Variants in MYH13 observed in about 807,000 individuals in gnomAD.
MYH13 encodes the protein myosin heavy chain 13, also known as myosin-13.
MYH13 carries 177 observed loss-of-function variants against 232.1 expected under a neutral mutation model. The observed-to-expected ratio is 0.76, with a 90% CI of 0.67 to 0.86. MYH13 has a LOEUF of 0.86. MYH13 is among the 40% of genes least tolerant of loss of function. The probability of loss-of-function intolerance (pLI) is 0.00; values close to 1 mark genes in which losing one functional copy is unlikely to be tolerated. For missense variants in MYH13, 2,246 were observed against 2,405.9 expected (o/e 0.93, Z 1.39); for synonymous variants, 884 against 923.5 (o/e 0.96, Z 0.78).
Position 10,304,157 on chromosome 17 carries a change from A to G in MYH13, c.5467-659T>C, listed in dbSNP as rs1187575571. 2.0e-5 allele frequency among the ~76,000 whole-genome samples: 3 copies of G among 152,194 alleles called. No homozygotes were observed. Among genetic ancestry groups the G allele is most frequent in the Admixed American group, 1.3e-4 (2 of 15,278 alleles). On this transcript the variant is annotated intron_variant, in intron 37 of 40. Transcript: ENST00000252172. This position sits in a 1 kb window ranked among gnomAD's most constrained non-coding sequence, Gnocchi z 5.3. The stretch of plus-strand genomic sequence containing the variant: ...GGGGAGGGATAGCATTAGGAGTAAT[A>G]CCTAATGTAAATGATGGGTTGATGG...
intron 33 of MYH13, among the ~76,000 whole-genome samples, chr17:10,310,094 GTTT>G (rs61271828): frequency 1.5e-5 from 2 of 132,068 alleles, no homozygotes; most frequent in Admixed American, 7.7e-5. Flanking sequence ...TAGGTTTTGT[GTTT>G]TTTTTTTTTT....
At chr17:10,305,794 C>G (rs1906258793) in intron 37 of MYH13, among the ~76,000 whole-genome samples, 1 of 152,166 alleles carries the variant, frequency 6.6e-6, no homozygotes, top group South Asian at 2.1e-4. Flanking sequence ...TGAATAATAA[C>G]TGCAGGATAC....
At chr17:10,303,522 G>A in intron 37 of MYH13, 24 bp from the exon 38 acceptor site, 1 of 1,600,850 alleles carries the variant, frequency 6.2e-7, no homozygotes, top group Non-Finnish European at 8.6e-7. Context: ...AAGGAACACA[G>A]AATTCAAATC....
At chr17:10,327,188 A>C (rs1907243972) in intron 22 of MYH13, among the ~76,000 whole-genome samples, 1 of 146,256 alleles carries the variant, frequency 6.8e-6, no homozygotes, top group South Asian at 2.3e-4. Flanking sequence ...TTTTTAGTAG[A>C]GACGGGGTTT....
chr17:10,320,636 A>T lies in MYH13; in HGVS notation c.3112-140T>A, dbSNP rs1454784975. ...GCTGCAAGCCTCTGGCCCCAGGAGG[A>T]AGCAAGTCTTGCCCCTACCTCCCCT... is the stretch of plus-strand genomic sequence containing the variant. On this transcript the variant is annotated intron_variant, in intron 24 of 40. Coordinates refer to ENST00000252172, the MANE Select transcript of MYH13 (RefSeq NM_003802.3). 4 of 917,820 alleles carry T rather than the reference A, an allele frequency of 4.4e-6. No individual in the cohort carries two copies. The African/African-American group carries it at 6.7e-5, about 15-fold the overall frequency. 56.9% of individuals were successfully genotyped at this position (917,820 alleles called of 1,614,324 possible). A position where few individuals can be genotyped will look rare whatever the true frequency, so the allele number is the denominator to read the frequency against.
In MYH13 at chr17:10,304,036, A is replaced by T. The variant is rs935999863; in HGVS notation, c.5467-538T>A. On this transcript the variant is annotated intron_variant, in intron 37 of 40. Coordinates refer to ENST00000252172, the MANE Select transcript of MYH13 (RefSeq NM_003802.3). This position sits in a 1 kb window ranked among gnomAD's most constrained non-coding sequence, Gnocchi z 5.3. ...TAAGGAACAGAAAACCAAACACCAC[A>T]TATTCTCACTCATAAGTGGGAGTTG... is the stretch of plus-strand genomic sequence containing the variant. Among the ~76,000 whole-genome samples, 1 of 152,188 alleles carries T rather than the reference A, an allele frequency of 6.6e-6. No homozygotes were observed. Among genetic ancestry groups the T allele is most frequent in the South Asian group, 2.1e-4 (1 of 4,826 alleles).
chr17:10,319,058 G>T lies in MYH13; in HGVS notation c.3470C>A (p.Ala1157Asp). ...LEEISERLEEASGATSAQIEM... is the reference protein window; with the variant it reads ...LEEISERLEEDSGATSAQIEM... ...AATCTGGGCTGAAGTGGCCCCACTGGCTTCTTCCAGCCTCTCGCTGATCTC... is the reference window on the plus strand; with the variant it reads ...AATCTGGGCTGAAGTGGCCCCACTGTCTTCTTCCAGCCTCTCGCTGATCTC... Residue 1157 changes from alanine (A) to aspartate (D), a missense_variant, in exon 27 of 41, where the codon GCC (alanine) becomes GAC (aspartate). By Grantham distance (126) the Ala-to-Asp change is moderately radical (BLOSUM62 -2). Transcript: ENST00000252172. The T allele has an allele frequency of 6.2e-7, 1 of 1,614,132 alleles. No homozygotes were observed. Among genetic ancestry groups the T allele is most frequent in the Non-Finnish European group, 8.5e-7 (1 of 1,180,042 alleles).
At chr17:10,305,017 C>T (rs553020574) in intron 37 of MYH13, among the ~76,000 whole-genome samples, 4 of 152,328 alleles carry the variant, frequency 2.6e-5, no homozygotes, top group South Asian at 2.1e-4. Context: ...AACTACTAAT[C>T]GGACAGGCTT....
intron 16 of MYH13, among the ~76,000 whole-genome samples, chr17:10,342,492 A>G (rs8073355): frequency 0.78 from 118,418 of 152,106 alleles, 46,610 homozygotes; most frequent in East Asian, 0.88. Flanking sequence ...GCCAATATAT[A>G]TTCACATATA....
chr17:10,330,462 G>C lies in MYH13; in HGVS notation c.2360C>G (p.Thr787Arg). Residue 787 changes from threonine to arginine, a missense_variant, in exon 21 of 41, where the codon ACG becomes AGG. Transcript: ENST00000252172. Reference protein sequence around the residue: ...LEEMRDEKLVTLMTSTQAVCR... With the variant: ...LEEMRDEKLVRLMTSTQAVCR... Reference sequence around the variant, plus strand: ...CACCGCCTGCGTGCTTGTCATCAGCGTCACCAGCTTCTCATCTCTCATCTC... The same window carrying C: ...CACCGCCTGCGTGCTTGTCATCAGCCTCACCAGCTTCTCATCTCTCATCTC... 9 of 1,612,888 alleles carry C rather than the reference G, an allele frequency of 5.6e-6. No homozygotes were observed. The highest frequency in any genetic ancestry group is 6.8e-6 in the Non-Finnish European group (8 of 1,179,682).
intron 11 of MYH13, 66 bp from the exon 12 acceptor site, chr17:10,350,760 C>T: frequency 6.3e-7 from 1 of 1,594,576 alleles, no homozygotes; most frequent in Non-Finnish European, 8.6e-7. Flanking sequence ...CTTTTCTTGG[C>T]AAAGACCTTA....
intron 11 of MYH13, among the ~76,000 whole-genome samples, chr17:10,354,356 GT>G (rs1482162441): frequency 9.2e-5 from 14 of 152,184 alleles, no homozygotes; most frequent in African/African-American, 3.1e-4. Context: ...CATGTAGATG[GT>G]TTTGCAACAT....
chr17:10,324,302 C>T lies in MYH13; in HGVS notation c.2692-38G>A, dbSNP rs1907117174. On this transcript the variant is annotated intron_variant, in intron 22 of 40. Transcript: ENST00000252172. ...GGTCATTTTATGTTTTGATTGGCCT[C>T]TTTGAAAATGCTACAAAGAAAGGGT... The T allele has an allele frequency of 1.9e-6, 3 of 1,607,908 alleles. No homozygotes were observed. The African/African-American group carries it at 4.0e-5, about 22-fold the overall frequency.
chr17:10,355,705 C>T (rs1298545813), intron 8 of MYH13, among the ~76,000 whole-genome samples: 1 of 152,140 alleles, frequency 6.6e-6, no homozygotes, highest in Admixed American at 6.5e-5. Context: ...CCTTCTCCAG[C>T]TCTCTTCTTG....
intron 13 of MYH13, 100 bp from the exon 14 acceptor site, chr17:10,345,716 T>C (rs1026105619): frequency 1.6e-5 from 25 of 1,596,108 alleles, no homozygotes; most frequent in Middle Eastern, 1.7e-4. Context: ...AGCTGTTGGC[T>C]AGGCGTGGTG....
Position 10,309,216 on chromosome 17 carries a change from G to A in MYH13, c.5169+18C>T. Reference sequence around the variant, plus strand: ...GCCCCAGGGTGGACCTTCAGCGGAGGAGTGAGGGCCGACGCACCTGGGAGT... The same window carrying A: ...GCCCCAGGGTGGACCTTCAGCGGAGAAGTGAGGGCCGACGCACCTGGGAGT... On this transcript the variant is annotated intron_variant, in intron 35 of 40. Transcript: ENST00000252172. 2 of 1,610,044 alleles carry A rather than the reference G, an allele frequency of 1.2e-6. No individual in the cohort carries two copies. Among genetic ancestry groups the A allele is most frequent in the Non-Finnish European group, 1.7e-6 (2 of 1,178,602 alleles).
Position 10,309,828 on chromosome 17 carries a change from A to C in MYH13, c.4659T>G (p.Gly1553=), listed in dbSNP as rs779480696. The C allele has an allele frequency of 1.0e-5, 16 of 1,564,246 alleles. No individual in the cohort carries two copies. The East Asian group carries it at 3.7e-4, about 36-fold the overall frequency. ...DLQVALEEVE[G]SLEHEESKIL... is the part of the protein sequence containing the mutation. ...TCTTGCTCTCCTCGTGTTCCAAGGAACCCTGACGAAAGCAAAGGAGTGATT... is the reference window on the plus strand; with the variant it reads ...TCTTGCTCTCCTCGTGTTCCAAGGACCCCTGACGAAAGCAAAGGAGTGATT... Residue 1553 remains glycine (G), a splice_region_variant and synonymous_variant, in exon 34 of 41, where the codon GGT becomes GGG. Transcript: ENST00000252172.
chr17:10,329,222 A>G (rs1907329043), intron 21 of MYH13, among the ~76,000 whole-genome samples: 2 of 152,296 alleles, frequency 1.3e-5, no homozygotes, highest in Admixed American at 1.3e-4. Context: ...TTAGAGCCAC[A>G]CAGGGGATCA....
intron 27 of MYH13, among the ~76,000 whole-genome samples, chr17:10,316,970 G>T (rs575636007): frequency 1.7e-4 from 26 of 152,158 alleles, no homozygotes; most frequent in Non-Finnish European, 3.7e-4. Context: ...AAGATGACAC[G>T]CAAACATGAA....
Sources: gnomAD v4.1 joint callset for allele counts (sites outside exome capture counted in the v4.1 genomes callset) on GRCh38, gnomAD v4.1.1 for gene constraint, Gnocchi (gnomAD v3.1) non-coding constraint, MANE v1.5 for transcripts, NCBI Gene and HGNC (gene_info 2026-07-23, HGNC 2026-07-21) for gene names.